Variants in CENPP observed in about 807,000 individuals in gnomAD.
The protein encoded by CENPP is centromere protein P.
In CENPP, 24 loss-of-function variants were observed where a neutral mutation model predicts 35.6. The ratio of observed to expected loss-of-function variants is 0.67; its 90% CI spans 0.49 to 0.95. The LOEUF is 0.95. CENPP is among the 40% of genes least tolerant of loss of function. The pLI, the probability that CENPP is intolerant of heterozygous loss-of-function variation, is 0.00. For synonymous variants in CENPP, 120 were observed against 125.5 expected (o/e 0.96, Z 0.29); for missense variants, 332 against 345.3 (o/e 0.96, Z 0.31).
rs1288984387 is a variant in CENPP at position 92,615,424 on chromosome 9, T to C, written c.*2275T>C. ...AGTAGTATCCATGTTTTCTTAAAAG[T>C]CCAAACTGTAAAATGTATGTGACAA... On this transcript the variant is annotated 3_prime_UTR_variant, in exon 8 of 8. Transcript: ENST00000375587. The C allele has an allele frequency of 5.6e-6, 1 of 177,368 alleles. No individual in the cohort carries two copies. Among genetic ancestry groups the C allele is most frequent in the Non-Finnish European group, 1.2e-5 (1 of 83,748 alleles). 11.0% of individuals were successfully genotyped at this position (177,368 alleles called of 1,614,324 possible).
chr9:92,389,103 C>T (rs1337377606), intron 5 of CENPP, among the ~76,000 whole-genome samples: 1 of 152,040 alleles, frequency 6.6e-6, no homozygotes, highest in Non-Finnish European at 1.5e-5. Flanking sequence ...TCTGAAGTTA[C>T]CTTTAGAAGC....
intron 5 of CENPP, chr9:92,417,623 G>A: frequency 2.2e-6 from 2 of 925,254 alleles, no homozygotes; most frequent in Non-Finnish European, 3.2e-6. Flanking sequence ...AGTAAACTCA[G>A]AATACGCTTT....
chr9:92,558,720 G>T (rs1460238233), intron 5 of CENPP, among the ~76,000 whole-genome samples: 1 of 152,146 alleles, frequency 6.6e-6, no homozygotes, highest in Non-Finnish European at 1.5e-5. Flanking sequence ...TAGGCCCTTT[G>T]TCTTCAGCTA....
chr9:92,486,758 G>T (rs1183442412), intron 5 of CENPP, among the ~76,000 whole-genome samples: 3 of 150,334 alleles, frequency 2.0e-5, no homozygotes, highest in African/African-American at 7.3e-5. Context: ...ATACAATTTT[G>T]TTTATTATAT....
At chr9:92,441,126 A>C (rs1844375978) in intron 5 of CENPP, among the ~76,000 whole-genome samples, 2 of 152,148 alleles carry the variant, frequency 1.3e-5, no homozygotes, top group African/African-American at 4.8e-5. Context: ...AAGTGCATGA[A>C]TTTTTGTATT....
rs541884318 is a variant in CENPP, at chr9:92,544,693, G to T, written c.565-66621G>T. On this transcript the variant is annotated intron_variant, in intron 5 of 7. Transcript: ENST00000375587. ...GTGGCTCACCAATGTGAGGACCAGA[G>T]AAATTGTTATCACTATAAATTTTTT... Among the ~76,000 whole-genome samples the T allele has an allele frequency of 4.8e-3, 727 of 150,240 alleles. 6 individuals carry two copies. Among genetic ancestry groups the T allele is most frequent in the African/African-American group, 0.017 (704 of 40,744 alleles).
intron 5 of CENPP, among the ~76,000 whole-genome samples, chr9:92,391,790 A>AT (rs1842698927): frequency 6.6e-6 from 1 of 152,140 alleles, no homozygotes; most frequent in African/African-American, 2.4e-5. Flanking sequence ...AGTAATTCAA[A>AT]TTTTTTGCCA....
At chr9:92,415,561 G>A in intron 5 of CENPP, 2 of 630,218 alleles carry the variant, frequency 3.2e-6, no homozygotes, top group Non-Finnish European at 4.9e-6. Flanking sequence ...ATTTTATATT[G>A]TATGGGATAT....
intron 4 of CENPP, among the ~76,000 whole-genome samples, chr9:92,350,175 A>G (rs187343030): frequency 2.0e-5 from 3 of 152,346 alleles, no homozygotes; most frequent in Non-Finnish European, 4.4e-5. Context: ...TATACTTGAG[A>G]AGGAGACATT....
chr9:92,492,205 G>C (rs1275629231), intron 5 of CENPP, among the ~76,000 whole-genome samples: 1 of 152,012 alleles, frequency 6.6e-6, no homozygotes, highest in African/African-American at 2.4e-5. Context: ...AAAAATTTGG[G>C]GTTTTATCCT....
intron 5 of CENPP, chr9:92,610,857 G>A (rs139861812): frequency 6.7e-4 from 127 of 189,888 alleles, no homozygotes; most frequent in African/African-American, 2.7e-3. Flanking sequence ...CAGCCCTCAC[G>A]GAGCCTCAGC....
chr9:92,511,315 C>T (rs934515996), intron 5 of CENPP, among the ~76,000 whole-genome samples: 17 of 152,026 alleles, frequency 1.1e-4, no homozygotes, highest in Middle Eastern at 3.4e-3. Context: ...TTAGTAGAGA[C>T]GGGGTTTCAC....
intron 4 of CENPP, among the ~76,000 whole-genome samples, chr9:92,376,193 C>G (rs1842121051): frequency 1.3e-5 from 2 of 152,188 alleles, no homozygotes; most frequent in African/African-American, 4.8e-5. Flanking sequence ...TACTTGAGCA[C>G]TTTTTCCAAG....
chr9:92,336,514 A>G (rs1840935881), intron 2 of CENPP, among the ~76,000 whole-genome samples: 1 of 152,146 alleles, frequency 6.6e-6, no homozygotes, highest in Non-Finnish European at 1.5e-5. Context: ...TGTGCTATCT[A>G]GTGCATCCAT....
At chr9:92,553,511 C>T (rs1297817578) in intron 5 of CENPP, among the ~76,000 whole-genome samples, 1 of 152,068 alleles carries the variant, frequency 6.6e-6, no homozygotes, top group Non-Finnish European at 1.5e-5. Context: ...TGATCATTTC[C>T]ACAATATTGA....
chr9:92,587,364 G>A (rs1456351525), intron 5 of CENPP, among the ~76,000 whole-genome samples: 3 of 152,214 alleles, frequency 2.0e-5, no homozygotes, highest in African/African-American at 7.2e-5. Context: ...AGCTACTGGG[G>A]AGGCTGAGAC....
rs775630474 is a variant in CENPP, at chr9:92,618,152, A to G, written c.*5003A>G. On this transcript the variant is annotated 3_prime_UTR_variant, in exon 8 of 8. Transcript: ENST00000375587. ...TTCCTGGAAGCAGGCCCAGCCCCACACGCCATGTTCTCGGAGGAGAAGCCT... is the reference window on the plus strand; with the variant it reads ...TTCCTGGAAGCAGGCCCAGCCCCACGCGCCATGTTCTCGGAGGAGAAGCCT... 9 of 442,846 alleles carry G rather than the reference A, an allele frequency of 2.0e-5. No individual in the cohort carries two copies. Among genetic ancestry groups the G allele is most frequent in the Non-Finnish European group, 4.6e-6 (1 of 219,422 alleles). 27.4% of individuals were successfully genotyped at this position (442,846 alleles called of 1,614,324 possible).
chr9:92,417,097 T>C, intron 5 of CENPP: 1 of 1,613,766 alleles, frequency 6.2e-7, no homozygotes, highest in Non-Finnish European at 8.5e-7. Flanking sequence ...ATGGAAATTC[T>C]TCTAAATTAT....
chr9:92,512,219 G>A, intron 5 of CENPP: 1 of 713,506 alleles, frequency 1.4e-6, no homozygotes, highest in Non-Finnish European at 2.3e-6. Context: ...TCAAGAGAGA[G>A]CTTTGTCTGG....
Sources: gnomAD v4.1 joint callset for allele counts (sites outside exome capture counted in the v4.1 genomes callset) on GRCh38, gnomAD v4.1.1 for gene constraint, MANE v1.5 for transcripts, NCBI Gene and HGNC (gene_info 2026-07-23, HGNC 2026-07-21) for gene names.